PPM1L: variants seen among roughly 807,000 people sequenced by gnomAD.
PPM1L encodes protein phosphatase, Mg2+/Mn2+ dependent 1L.
In PPM1L, 13 loss-of-function variants were observed where a neutral mutation model predicts 31.4. The observed-to-expected ratio is 0.41, with a 90% confidence interval of 0.27 to 0.66. PPM1L has a LOEUF of 0.66. PPM1L is among the 30% of genes least tolerant of loss of function. The probability of loss-of-function intolerance (pLI) is 0.29; values close to 1 mark genes in which losing one functional copy is unlikely to be tolerated. For missense variants in PPM1L, 326 were observed against 453.7 expected (o/e 0.72, Z 2.56); for synonymous variants, 184 against 175.4 (o/e 1.05, Z -0.39).
At chr3:160,900,046 T>G (rs1312765518) in intron 1 of PPM1L, among the ~76,000 whole-genome samples, 4 of 152,116 alleles carry the variant, frequency 2.6e-5, no homozygotes, top group Non-Finnish European at 5.9e-5. Flanking sequence ...ATATATAACT[T>G]TGTGATTATT....
intron 1 of PPM1L, among the ~76,000 whole-genome samples, chr3:160,898,194 G>A (rs1713413195): frequency 6.6e-6 from 1 of 152,118 alleles, no homozygotes; most frequent in Admixed American, 6.5e-5. Context: ...AGCATAAAAT[G>A]CTGGATGACA....
intron 1 of PPM1L, among the ~76,000 whole-genome samples, chr3:160,771,300 A>T (rs1715248953): frequency 6.6e-6 from 1 of 151,960 alleles, no homozygotes; most frequent in Non-Finnish European, 1.5e-5. Context: ...TCTGCCACCC[A>T]GGCTGGAGTG....
At chr3:160,983,655 T>C (rs954776298) in intron 2 of PPM1L, among the ~76,000 whole-genome samples, 4 of 152,194 alleles carry the variant, frequency 2.6e-5, no homozygotes, top group African/African-American at 9.7e-5. Context: ...ATTCTGTGGG[T>C]TGGCGATCAG....
chr3:161,055,522 G>A (rs1576621695), intron 2 of PPM1L, among the ~76,000 whole-genome samples: 1 of 152,190 alleles, frequency 6.6e-6, no homozygotes, highest in Non-Finnish European at 1.5e-5. Flanking sequence ...AGGCCTTGAT[G>A]TCATCTATGC....
chr3:160,890,805 C>T (rs1305548641), intron 1 of PPM1L, among the ~76,000 whole-genome samples: 2 of 152,064 alleles, frequency 1.3e-5, no homozygotes, highest in East Asian at 3.9e-4. Context: ...CAGAGGAGAC[C>T]TCAGAAATAA....
chr3:160,909,883 G>T (rs1713895163), intron 1 of PPM1L, among the ~76,000 whole-genome samples: 2 of 152,270 alleles, frequency 1.3e-5, no homozygotes, highest in African/African-American at 4.8e-5. Context: ...TGGGTTGAGG[G>T]AGTCTTCAGA....
intron 2 of PPM1L, among the ~76,000 whole-genome samples, chr3:160,975,013 A>C (rs929612601): frequency 2.0e-5 from 3 of 151,410 alleles, no homozygotes; most frequent in Non-Finnish European, 4.4e-5. Context: ...TAGGTCTAAC[A>C]TTTAAGTCTT....
intron 2 of PPM1L, among the ~76,000 whole-genome samples, chr3:160,990,638 G>A (rs544474861): frequency 1.3e-5 from 2 of 152,218 alleles, no homozygotes; most frequent in South Asian, 2.1e-4. Flanking sequence ...ATTCCTCTTT[G>A]TGAAGTTCTA....
At chr3:160,850,892 G>GT (rs928059809) in intron 1 of PPM1L, among the ~76,000 whole-genome samples, 1 of 149,530 alleles carries the variant, frequency 6.7e-6, no homozygotes, top group African/African-American at 2.5e-5. Flanking sequence ...GGTGGGGGGG[G>GT]GGTCATTATT....
intron 1 of PPM1L, among the ~76,000 whole-genome samples, chr3:160,815,023 G>A (rs1210485530): frequency 6.6e-6 from 1 of 152,014 alleles, no homozygotes; most frequent in East Asian, 1.9e-4. Context: ...AGGAGGGTGA[G>A]GGATAAAAGA....
At chr3:161,060,178 G>C (rs1044261922) in intron 2 of PPM1L, among the ~76,000 whole-genome samples, 3 of 152,130 alleles carry the variant, frequency 2.0e-5, no homozygotes, top group African/African-American at 7.2e-5. Context: ...TACAATCCCT[G>C]TCAGAAAAGG....
At chr3:161,001,383 C>T (rs1272884732) in intron 2 of PPM1L, among the ~76,000 whole-genome samples, 3 of 152,028 alleles carry the variant, frequency 2.0e-5, no homozygotes, top group Admixed American at 6.6e-5. Flanking sequence ...CCCGGGTTCA[C>T]GTGATTCTTG....
At chr3:160,816,589 C>T (rs879942942) in intron 1 of PPM1L, among the ~76,000 whole-genome samples, 1 of 151,472 alleles carries the variant, frequency 6.6e-6, no homozygotes, top group African/African-American at 2.4e-5. Flanking sequence ...AGACATTAGC[C>T]AACAGAGTTC....
At chr3:160,924,530 T>G (rs1207751110) in intron 1 of PPM1L, among the ~76,000 whole-genome samples, 1 of 152,204 alleles carries the variant, frequency 6.6e-6, no homozygotes, top group Non-Finnish European at 1.5e-5. Flanking sequence ...CTTCCAAATG[T>G]GGAAGTCAGT....
chr3:160,775,186 A>T (rs1711536153), intron 1 of PPM1L, among the ~76,000 whole-genome samples: 1 of 152,218 alleles, frequency 6.6e-6, no homozygotes, highest in South Asian at 2.1e-4. Flanking sequence ...GCCCAGGGTT[A>T]TACAACGGCT....
At chr3:160,895,558 A>G (rs572432881) in intron 1 of PPM1L, among the ~76,000 whole-genome samples, 1 of 152,096 alleles carries the variant, frequency 6.6e-6, no homozygotes, top group East Asian at 1.9e-4. Context: ...ACCCCTCTGA[A>G]CCTTTTTCAT....
At chr3:160,877,053 A>C (rs1175645817) in intron 1 of PPM1L, among the ~76,000 whole-genome samples, 1 of 152,192 alleles carries the variant, frequency 6.6e-6, no homozygotes, top group Non-Finnish European at 1.5e-5. Flanking sequence ...AATCCAGCCA[A>C]GGACAAGGCT....
chr3:160,871,469 G>C (rs2108029674), intron 1 of PPM1L, among the ~76,000 whole-genome samples: 1 of 152,306 alleles, frequency 6.6e-6, no homozygotes, highest in East Asian at 1.9e-4. Flanking sequence ...TTTTGAGACA[G>C]AAGCATGAAG....
chr3:160,986,147 G>A (rs1032393263), intron 2 of PPM1L, among the ~76,000 whole-genome samples: 8 of 152,154 alleles, frequency 5.3e-5, no homozygotes, highest in Non-Finnish European at 1.2e-4. Context: ...TCAGGCTGTC[G>A]AACTATGGAA....
Sources: gnomAD v4.1 joint callset for allele counts (sites outside exome capture counted in the v4.1 genomes callset) on GRCh38, gnomAD v4.1.1 for gene constraint, MANE v1.5 for transcripts, NCBI Gene and HGNC (gene_info 2026-07-23, HGNC 2026-07-21) for gene names.